Variants in PARN observed in about 807,000 individuals in gnomAD.
PARN encodes the protein poly(A)-specific ribonuclease PARN.
PARN carries 71 observed loss-of-function variants against 102.8 expected under a neutral mutation model. The ratio of observed to expected loss-of-function variants is 0.69; its 90% CI spans 0.57 to 0.84. The LOEUF is 0.84. PARN is among the 40% of genes least tolerant of loss of function. The pLI is 0.00. For missense variants in PARN, 782 were observed against 760.9 expected, an observed-to-expected ratio of 1.03 and a Z score of -0.33; for synonymous variants, 261 against 252.9, an observed-to-expected ratio of 1.03 and a Z score of -0.30.
Position 14,584,324 on chromosome 16 carries a change from G to A in PARN, c.1081+23C>T, listed in dbSNP as rs746133805. On this transcript the variant is annotated intron_variant, in intron 16 of 23. Coordinates refer to ENST00000437198, the MANE Select transcript of PARN (RefSeq NM_002582.4). Reference sequence around the variant, plus strand: ...AATAATTATTACAAAGAGTTTGGAGGGTTTCCGGTTTAATATTCTTACCAA... The same window carrying A: ...AATAATTATTACAAAGAGTTTGGAGAGTTTCCGGTTTAATATTCTTACCAA... 8 of 1,508,650 alleles carry A rather than the reference G, an allele frequency of 5.3e-6. No individual in the cohort carries two copies. In the South Asian group the frequency reaches 6.8e-5, roughly 13 times the overall value. 93.5% of individuals were successfully genotyped at this position (1,508,650 alleles called of 1,614,324 possible).
intron 22 of PARN, among the ~76,000 whole-genome samples, chr16:14,463,787 G>GAA (rs201674697): frequency 3.3e-5 from 4 of 122,256 alleles, no homozygotes; most frequent in South Asian, 2.8e-4. Flanking sequence ...GCGGGAAAAA[G>GAA]AAAAAAAATC....
chr16:14,511,477 A>G (rs566057160), intron 21 of PARN, among the ~76,000 whole-genome samples: 5 of 152,284 alleles, frequency 3.3e-5, no homozygotes, highest in African/African-American at 1.2e-4. Flanking sequence ...GGAAGTGTTC[A>G]GGCAGCAGAT....
rs1467598487 is a variant in PARN, at chr16:14,436,050, C to CTT, written c.*665_*666dup. 1 of 152,214 alleles carries CTT rather than the reference C, an allele frequency of 6.6e-6. No homozygotes were observed. Among genetic ancestry groups the CTT allele is most frequent in the Non-Finnish European group, 1.5e-5 (1 of 68,150 alleles). The allele number at this position is 152,214 out of a possible 1,614,324, so 9.4% of individuals were successfully genotyped here. ...GCCACGCATAAGAACAGAAGTTAAC[C>CTT]TTTTTACTCGTACATCCCCCATGAG... On this transcript the variant is annotated 3_prime_UTR_variant, in exon 24 of 24. Coordinates refer to ENST00000437198, the MANE Select transcript of PARN (RefSeq NM_002582.4).
At chr16:14,543,770 T>C (rs932123231) in intron 21 of PARN, among the ~76,000 whole-genome samples, 2 of 152,100 alleles carry the variant, frequency 1.3e-5, no homozygotes, top group Non-Finnish European at 2.9e-5. Flanking sequence ...AAAGGGGGTA[T>C]ACAAAAGAAC....
At chr16:14,587,873 A>G (rs1454433483) in intron 13 of PARN, among the ~76,000 whole-genome samples, 2 of 152,174 alleles carry the variant, frequency 1.3e-5, no homozygotes, top group Non-Finnish European at 2.9e-5. Flanking sequence ...CTTTCATTCC[A>G]CTTAACGTTC....
At chr16:14,462,442 G>GA (rs1190330465) in intron 22 of PARN, among the ~76,000 whole-genome samples, 1 of 150,896 alleles carries the variant, frequency 6.6e-6, no homozygotes, top group Non-Finnish European at 1.5e-5. Context: ...AGAAATGAAA[G>GA]AAAAAAACTG....
Position 14,435,859 on chromosome 16 carries a change from G to C in PARN, c.*858C>G, listed in dbSNP as rs886527076. 6.6e-6 allele frequency: 1 copy of C among 151,472 alleles called. No homozygotes were observed. Among genetic ancestry groups the C allele is most frequent in the Admixed American group, 6.6e-5 (1 of 15,112 alleles). The allele number at this position is 151,472 out of a possible 1,614,324, so 9.4% of individuals were successfully genotyped here. Reference sequence around the variant, plus strand: ...GTCGTTGCTGTGATCTGTTTCAACGGAGAATGGGCTGGGACATGTTGTAGA... The same window carrying C: ...GTCGTTGCTGTGATCTGTTTCAACGCAGAATGGGCTGGGACATGTTGTAGA... On this transcript the variant is annotated 3_prime_UTR_variant, in exon 24 of 24. Transcript: ENST00000437198.
At chr16:14,619,781 C>A (rs1215771456) in intron 5 of PARN, among the ~76,000 whole-genome samples, 21 of 150,204 alleles carry the variant, frequency 1.4e-4, no homozygotes, top group Admixed American at 2.7e-4. Context: ...AAAAAAAAAA[C>A]AAAAAACAGG....
At chr16:14,529,455 A>T (rs1273239239) in intron 21 of PARN, among the ~76,000 whole-genome samples, 2 of 152,184 alleles carry the variant, frequency 1.3e-5, no homozygotes, top group Non-Finnish European at 2.9e-5. Flanking sequence ...ACAGATCAGT[A>T]ATGGAATAGT....
intron 23 of PARN, among the ~76,000 whole-genome samples, chr16:14,442,554 G>C (rs568746796): frequency 6.0e-4 from 91 of 152,122 alleles, no homozygotes; most frequent in Non-Finnish European, 1.1e-3. Flanking sequence ...ACATAAACTA[G>C]AAGCCCTGAA....
At chr16:14,623,889 T>C (rs1972479437) in intron 5 of PARN, among the ~76,000 whole-genome samples, 1 of 151,894 alleles carries the variant, frequency 6.6e-6, no homozygotes, top group African/African-American at 2.4e-5. Context: ...ACAGCAGTTA[T>C]GCTTCAATTT....
chr16:14,627,048 A>G, intron 5 of PARN, 58 bp downstream of exon 5: 1 of 983,240 alleles, frequency 1.0e-6, no homozygotes, highest in South Asian at 1.4e-5. Context: ...CTGATTTCAC[A>G]TTTCCATGCT....
At chr16:14,563,369 A>T (rs1968196013) in intron 18 of PARN, among the ~76,000 whole-genome samples, 1 of 152,194 alleles carries the variant, frequency 6.6e-6, no homozygotes, top group Non-Finnish European at 1.5e-5. Context: ...CAAGAGCTCC[A>T]GCCACGAAGG....
intron 14 of PARN, among the ~76,000 whole-genome samples, chr16:14,585,026 G>T (rs144051940): frequency 9.5e-4 from 144 of 152,244 alleles, no homozygotes; most frequent in Non-Finnish European, 1.5e-3. Flanking sequence ...CATCATCAGC[G>T]ACTTCATTGA....
At chr16:14,606,116 A>T (rs1971163806) in intron 10 of PARN, among the ~76,000 whole-genome samples, 1 of 152,176 alleles carries the variant, frequency 6.6e-6, no homozygotes, top group African/African-American at 2.4e-5. Context: ...TCAGCACACT[A>T]AGGATTGAGC....
chr16:14,534,804 G>C (rs1225928815), intron 21 of PARN, among the ~76,000 whole-genome samples: 4 of 151,906 alleles, frequency 2.6e-5, no homozygotes, highest in Non-Finnish European at 1.5e-5. Context: ...TTAATAGCTG[G>C]ACTGCATAAT....
intron 18 of PARN, among the ~76,000 whole-genome samples, chr16:14,568,197 A>AT (rs1033869910): frequency 9.5e-5 from 14 of 147,088 alleles, no homozygotes; most frequent in Admixed American, 6.1e-4. Flanking sequence ...GAAAAACTTT[A>AT]TTTTTTTTAT....
chr16:14,619,559 C>T lies in PARN; in HGVS notation c.328-1909G>A, dbSNP rs1387481196. On this transcript the variant is annotated intron_variant, in intron 5 of 23. Transcript: ENST00000437198. ...GGAGGATCGCTTGAGCCCAAGACTT[C>T]GAGACCAGCCTGAGTAACATAGGGA... Among the ~76,000 whole-genome samples the T allele has an allele frequency of 2.3e-4, 35 of 151,804 alleles. 1 individual carries two copies. The highest frequency in any genetic ancestry group is 2.9e-5 in the Non-Finnish European group (2 of 67,924).
At chr16:14,616,962 T>TAA (rs1971942645) in intron 6 of PARN, among the ~76,000 whole-genome samples, 1 of 151,766 alleles carries the variant, frequency 6.6e-6, no homozygotes, top group East Asian at 1.9e-4. Context: ...ATCACGCCAG[T>TAA]GGTAGAATAA....
Sources: allele counts gnomAD v4.1 joint callset (sites outside exome capture counted in the v4.1 genomes callset), GRCh38; gene constraint gnomAD v4.1.1; transcripts MANE v1.5; gene names NCBI Gene and HGNC (gene_info 2026-07-23, HGNC 2026-07-21).